The following LAMP1 variants were observed in gnomAD, a reference collection of about 807,000 sequenced individuals.
The protein encoded by LAMP1 is lysosome-associated membrane glycoprotein 1.
LAMP1 carries 7 observed loss-of-function variants against 37.5 expected under a neutral mutation model. The observed-to-expected ratio is 0.19, with a 90% CI of 0.11 to 0.35. LAMP1 has a LOEUF of 0.35. Among genes scored for constraint, LAMP1 ranks in the 10% least tolerant of loss-of-function variants. LAMP1 has a pLI of 1.00. For synonymous variants in LAMP1, 236 were observed against 229.1 expected (o/e 1.03, Z -0.27); for missense variants, 537 against 552.8 (o/e 0.97, Z 0.29).
At chr13:113,309,546 A>C (rs1458846262) in intron 2 of LAMP1, 97 bp from the exon 3 acceptor site, 1 of 892,396 alleles carries the variant, frequency 1.1e-6, no homozygotes, top group African/African-American at 1.7e-5. Context: ...GTTGGAAATG[A>C]AGTATAAGTT....
chr13:113,300,302 G>GA (rs2042563782), intron 1 of LAMP1, among the ~76,000 whole-genome samples: 1 of 152,138 alleles, frequency 6.6e-6, no homozygotes, highest in South Asian at 2.1e-4. Context: ...CCAATGTGGT[G>GA]AAACCCCGTC....
chr13:113,308,979 G>C (rs1489411303), intron 2 of LAMP1, among the ~76,000 whole-genome samples: 1 of 152,174 alleles, frequency 6.6e-6, no homozygotes, highest in Non-Finnish European at 1.5e-5. Flanking sequence ...CATTTCTATA[G>C]TAAAAAAGTA....
Position 113,306,596 on chromosome 13 carries a change from G to C in LAMP1, c.173G>C (p.Ser58Thr). 1.2e-6 allele frequency: 2 copies of C among 1,613,916 alleles called. No individual in the cohort carries two copies. Among genetic ancestry groups the C allele is most frequent in the Non-Finnish European group, 1.7e-6 (2 of 1,179,926 alleles). Residue 58 changes from serine to threonine, a missense_variant, in exon 2 of 9, where the codon AGT becomes ACT. Physicochemically the swap from Ser to Thr is moderately conservative, Grantham distance 58. Coordinates refer to ENST00000332556, the MANE Select transcript of LAMP1 (RefSeq NM_005561.4). ...AAFSVNYDTK[S>T]GPKNMTFDLP... is the part of the protein sequence containing the mutation. ...TTCTCAGTGAACTACGACACCAAGAGTGGCCCTAAGGTAGGAAACACCAGG... is the reference window on the plus strand; with the variant it reads ...TTCTCAGTGAACTACGACACCAAGACTGGCCCTAAGGTAGGAAACACCAGG...
chr13:113,307,138 C>G (rs572119329), intron 2 of LAMP1, among the ~76,000 whole-genome samples: 1 of 139,932 alleles, frequency 7.1e-6, no homozygotes, highest in African/African-American at 2.6e-5. Context: ...CGCGCCCAGC[C>G]TATCATCAAC....
In LAMP1 at chr13:113,298,985, C is replaced by A. The variant is rs570461844; in HGVS notation, c.61+1490C>A. Among the ~76,000 whole-genome samples, 5 of 152,236 alleles carry A rather than the reference C, an allele frequency of 3.3e-5. No homozygotes were observed. In the East Asian group the frequency reaches 7.8e-4, roughly 24 times the overall value. ...GCGAAACCCGGTCTCTACAAAAATA[C>A]AAAAATTAGCTGGGCATGGTGGCGC... On this transcript the variant is annotated intron_variant, in intron 1 of 8. Coordinates refer to ENST00000332556, the MANE Select transcript of LAMP1 (RefSeq NM_005561.4).
chr13:113,319,512 C>T lies in LAMP1; in HGVS notation c.606C>T (p.Pro202=), dbSNP rs1566404009. Residue 202 remains proline, a synonymous_variant, in exon 5 of 9, where the codon CCC becomes CCT. Coordinates refer to ENST00000332556, the MANE Select transcript of LAMP1 (RefSeq NM_005561.4). The part of the protein sequence containing the change: ...EQDRPSPTTA[P]PAPPSPSPSP... ...ACAGGCCTTCCCCAACCACAGCGCCCCCTGCGCCACCCAGCCCCTCGCCCT... is the reference window on the plus strand; with the variant it reads ...ACAGGCCTTCCCCAACCACAGCGCCTCCTGCGCCACCCAGCCCCTCGCCCT... 5 of 1,613,764 alleles carry T rather than the reference C, an allele frequency of 3.1e-6. No homozygotes were observed. Among genetic ancestry groups the T allele is most frequent in the Non-Finnish European group, 4.2e-6 (5 of 1,179,932 alleles).
At chr13:113,318,517 GGT>G (rs1176563162) in intron 4 of LAMP1, among the ~76,000 whole-genome samples, 2 of 152,146 alleles carry the variant, frequency 1.3e-5, no homozygotes, top group African/African-American at 4.8e-5. Flanking sequence ...CAAGGTTGAT[GGT>G]GTGTTAGTGA....
intron 1 of LAMP1, among the ~76,000 whole-genome samples, chr13:113,304,742 G>C (rs57187126): frequency 1.3e-5 from 2 of 151,280 alleles, no homozygotes; most frequent in East Asian, 3.9e-4. Context: ...CTGCAACCTC[G>C]GCCTCCCTGG....
chr13:113,313,281 A>G (rs890784139), intron 4 of LAMP1, among the ~76,000 whole-genome samples: 1 of 152,182 alleles, frequency 6.6e-6, no homozygotes, highest in Non-Finnish European at 1.5e-5. Context: ...GAAGCTTGCT[A>G]GGTTCTTTTG....
At position 113,322,571 on chromosome 13, in the gene LAMP1, C is replaced by A; in HGVS notation, c.*150C>A. 2 of 627,366 alleles carry A rather than the reference C, an allele frequency of 3.2e-6. No homozygotes were observed. Among genetic ancestry groups the A allele is most frequent in the Non-Finnish European group, 5.1e-6 (2 of 389,198 alleles). The allele number at this position is 627,366 out of a possible 1,614,324, so 38.9% of individuals were successfully genotyped here. A position where few individuals can be genotyped will look rare whatever the true frequency, so the allele number is the denominator to read the frequency against. On this transcript the variant is annotated 3_prime_UTR_variant, in exon 9 of 9. Transcript: ENST00000332556. ...TTCATCTTGCAGCATTTACTATGCACAACAGAGTAACTATCGAAATGACGG... is the reference window on the plus strand; with the variant it reads ...TTCATCTTGCAGCATTTACTATGCAAAACAGAGTAACTATCGAAATGACGG...
In LAMP1 at chr13:113,318,062, C is replaced by T. The variant is rs2042676295; in HGVS notation, c.563-1407C>T. Among the ~76,000 whole-genome samples, 4 of 152,254 alleles carry T rather than the reference C, an allele frequency of 2.6e-5. No individual in the cohort carries two copies. The South Asian group carries it at 8.3e-4, about 31-fold the overall frequency. ...GGCAGTGAGCAAGGGTCCCTGAGCA[C>T]ATCCCAGGTTGGGACGGCTCCCAGT... On this transcript the variant is annotated intron_variant, in intron 4 of 8. Transcript: ENST00000332556.
At chr13:113,318,945 G>A (rs111387689) in intron 4 of LAMP1, among the ~76,000 whole-genome samples, 1 of 152,198 alleles carries the variant, frequency 6.6e-6, no homozygotes, top group Non-Finnish European at 1.5e-5. Context: ...GCCGGTCTGT[G>A]TGTGCTGCAG....
At chr13:113,306,380 A>G in intron 1 of LAMP1, 105 bp from the exon 2 acceptor site, 1 of 1,231,534 alleles carries the variant, frequency 8.1e-7, no homozygotes, top group Non-Finnish European at 1.1e-6. Flanking sequence ...AAACAGTGGA[A>G]TCTTGTAATA....
chr13:113,302,551 A>G (rs1171590705), intron 1 of LAMP1, among the ~76,000 whole-genome samples: 2 of 152,234 alleles, frequency 1.3e-5, no homozygotes, highest in East Asian at 1.9e-4. Context: ...TTTAATGTCA[A>G]AAGCGAGTAT....
intron 4 of LAMP1, among the ~76,000 whole-genome samples, chr13:113,318,179 G>A (rs1237327709): frequency 3.9e-5 from 6 of 152,224 alleles, no homozygotes; most frequent in African/African-American, 7.2e-5. Context: ...CTTTTACACC[G>A]GGGTGCGGGG....
chr13:113,314,998 T>C (rs1457008220), intron 4 of LAMP1, among the ~76,000 whole-genome samples: 4 of 53,346 alleles, frequency 7.5e-5, no homozygotes, highest in East Asian at 6.6e-4. Context: ...CCTGAGGGAG[T>C]CAGTGTGGAG....
At chr13:113,299,401 A>T (rs2042558878) in intron 1 of LAMP1, among the ~76,000 whole-genome samples, 1 of 149,794 alleles carries the variant, frequency 6.7e-6, no homozygotes, top group Non-Finnish European at 1.5e-5. Flanking sequence ...AGTAGCTGGG[A>T]TTACAGGCAC....
intron 4 of LAMP1, among the ~76,000 whole-genome samples, chr13:113,317,983 C>T (rs1017843829): frequency 6.6e-6 from 1 of 152,240 alleles, no homozygotes; most frequent in African/African-American, 2.4e-5. Context: ...AGCCACTGCG[C>T]CCAGCAAGTG....
chr13:113,318,618 G>A lies in LAMP1; in HGVS notation c.563-851G>A, dbSNP rs149313241. ...TATAAATTTGTGTTGTGAACATCTT[G>A]GTGGGTGAATTGCTGAAGGACAGAG... On this transcript the variant is annotated intron_variant, in intron 4 of 8. Transcript: ENST00000332556. Among the ~76,000 whole-genome samples, 173 of 152,238 alleles carry A rather than the reference G, an allele frequency of 1.1e-3. 1 individual carries two copies. Among genetic ancestry groups the A allele is most frequent in the Non-Finnish European group, 4.7e-4 (32 of 68,004 alleles).
Sources: allele counts gnomAD v4.1 joint callset (sites outside exome capture counted in the v4.1 genomes callset), GRCh38; gene constraint gnomAD v4.1.1; transcripts MANE v1.5; gene names NCBI Gene and HGNC (gene_info 2026-07-23, HGNC 2026-07-21).